Variants in COL24A1 observed in about 807,000 individuals in gnomAD.
COL24A1 encodes the protein collagen alpha-1(XXIV) chain.
COL24A1 carries 224 observed loss-of-function variants against 253.9 expected under a neutral mutation model. The ratio of observed to expected loss-of-function variants is 0.88; its 90% CI spans 0.79 to 0.99. The LOEUF is 0.99. Ranked by LOEUF, COL24A1 falls within the 50% of genes least tolerant of loss-of-function variation. The pLI is 0.00. For synonymous variants in COL24A1, 685 were observed against 673.7 expected (o/e 1.02, Z -0.26); for missense variants, 2,131 against 2,068.5 (o/e 1.03, Z -0.59).
At chr1:85,926,170 AAAC>A (rs1687187674) in intron 24 of COL24A1, among the ~76,000 whole-genome samples, 1 of 152,204 alleles carries the variant, frequency 6.6e-6, no homozygotes, top group Non-Finnish European at 1.5e-5. Flanking sequence ...AAAAGTCAGG[AAAC>A]AACAGATGCT....
chr1:85,896,184 G>T, intron 29 of COL24A1, 119 bp from the exon 30 acceptor site: 1 of 1,238,686 alleles, frequency 8.1e-7, no homozygotes, highest in Non-Finnish European at 1.1e-6. Flanking sequence ...GTTCATTATT[G>T]AAAAGAAAAC....
At chr1:85,799,211 A>AAAAGAAAG (rs139787428) in intron 47 of COL24A1, among the ~76,000 whole-genome samples, 2,727 of 137,612 alleles carry the variant, frequency 0.02, 54 homozygotes, top group Admixed American at 0.058. Flanking sequence ...TTGGCCACAT[A>AAAAGAAAG]AAAGAAAGAA....
intron 47 of COL24A1, among the ~76,000 whole-genome samples, chr1:85,791,475 C>T (rs927287806): frequency 2.0e-5 from 3 of 152,058 alleles, no homozygotes; most frequent in Non-Finnish European, 4.4e-5. Context: ...ATTTTCTGAA[C>T]TCAAACAGTT....
chr1:85,860,570 T>C (rs1327593681), intron 37 of COL24A1, among the ~76,000 whole-genome samples: 4 of 152,098 alleles, frequency 2.6e-5, no homozygotes, highest in Admixed American at 6.5e-5. Context: ...TGAAATCCCA[T>C]CTCTACTAAA....
At chr1:85,803,255 G>A (rs1047044303) in intron 47 of COL24A1, among the ~76,000 whole-genome samples, 16 of 151,968 alleles carry the variant, frequency 1.1e-4, no homozygotes, top group African/African-American at 3.9e-4. Context: ...TGACACCATT[G>A]TGAAACCCCA....
intron 14 of COL24A1, among the ~76,000 whole-genome samples, chr1:86,031,621 A>C (rs1698576672): frequency 6.6e-6 from 1 of 152,168 alleles, no homozygotes; most frequent in Non-Finnish European, 1.5e-5. Context: ...CCTTTAGCGC[A>C]CAGGTACAAA....
At chr1:85,901,824 C>CAAAAAAAAAAAAAAAA (rs55862441) in intron 28 of COL24A1, among the ~76,000 whole-genome samples, 4 of 57,792 alleles carry the variant, frequency 6.9e-5, no homozygotes, top group East Asian at 6.4e-4. Flanking sequence ...GACTCCGTCT[C>CAAAAAAAAAAAAAAAA]AAAAAAAAAA....
intron 7 of COL24A1, among the ~76,000 whole-genome samples, chr1:86,082,373 G>C (rs893310735): frequency 1.3e-5 from 2 of 151,900 alleles, no homozygotes; most frequent in African/African-American, 4.8e-5. Context: ...CTCAGCCTTT[G>C]CTTATGCATT....
chr1:86,116,496 T>C (rs1706152698), intron 3 of COL24A1, among the ~76,000 whole-genome samples: 1 of 152,172 alleles, frequency 6.6e-6, no homozygotes, highest in African/African-American at 2.4e-5. Flanking sequence ...TACAGTTTAA[T>C]CTGCAGCATG....
chr1:85,816,730 C>A lies in COL24A1; in HGVS notation c.3951+58G>T, dbSNP rs1673077137. Reference sequence around the variant, plus strand: ...AATAGATAGCCAAAATATCTATGGTCTAGCAAGGAGACACATGCATAGGAA... The same window carrying A: ...AATAGATAGCCAAAATATCTATGGTATAGCAAGGAGACACATGCATAGGAA... On this transcript the variant is annotated intron_variant, in intron 47 of 59. Transcript: ENST00000370571. 8 of 1,421,446 alleles carry A rather than the reference C, an allele frequency of 5.6e-6. 1 individual carries two copies. The highest frequency in any genetic ancestry group is 3.4e-5 in the South Asian group (3 of 87,152). 88.1% of individuals were successfully genotyped at this position (1,421,446 alleles called of 1,614,324 possible). A position where few individuals can be genotyped will look rare whatever the true frequency, so the allele number is the denominator to read the frequency against.
intron 24 of COL24A1, among the ~76,000 whole-genome samples, chr1:85,915,079 C>T (rs1685764102): frequency 6.6e-6 from 1 of 152,120 alleles, no homozygotes. Flanking sequence ...GTGAGATTAA[C>T]ATTTAAATAG....
intron 10 of COL24A1, among the ~76,000 whole-genome samples, chr1:86,057,322 G>A (rs897268614): frequency 6.6e-6 from 1 of 152,128 alleles, no homozygotes; most frequent in Non-Finnish European, 1.5e-5. Flanking sequence ...ATATCTGCAT[G>A]GACTGCACAA....
chr1:85,844,991 T>C (rs778402457), intron 39 of COL24A1, among the ~76,000 whole-genome samples: 1 of 151,700 alleles, frequency 6.6e-6, no homozygotes, highest in African/African-American at 2.4e-5. Flanking sequence ...CAATCAATGA[T>C]AGCATACATT....
At chr1:85,785,222 G>A (rs895348383) in intron 48 of COL24A1, among the ~76,000 whole-genome samples, 1 of 152,060 alleles carries the variant, frequency 6.6e-6, no homozygotes, top group African/African-American at 2.4e-5. Flanking sequence ...GATATGAACT[G>A]TCTTTATCCC....
intron 2 of COL24A1, among the ~76,000 whole-genome samples, chr1:86,128,576 T>A (rs548034450): frequency 2.6e-5 from 4 of 151,994 alleles, no homozygotes; most frequent in Non-Finnish European, 5.9e-5. Context: ...ACCCCTGCCA[T>A]CTAGTGCTTC....
At chr1:86,052,996 G>A (rs910644435) in intron 10 of COL24A1, among the ~76,000 whole-genome samples, 1 of 151,898 alleles carries the variant, frequency 6.6e-6, no homozygotes, top group Non-Finnish European at 1.5e-5. Context: ...GGGAGAGAGA[G>A]AATTTGTTCC....
chr1:85,784,707 G>A (rs1257571866), intron 48 of COL24A1, among the ~76,000 whole-genome samples: 1 of 151,694 alleles, frequency 6.6e-6, no homozygotes, highest in Non-Finnish European at 1.5e-5. Context: ...TATATGTGAT[G>A]GAACTTATAT....
intron 23 of COL24A1, 136 bp downstream of exon 23, chr1:85,964,873 T>C: frequency 1.5e-6 from 1 of 663,326 alleles, no homozygotes; most frequent in Non-Finnish European, 2.6e-6. Flanking sequence ...AGATTCTCAG[T>C]TGCTCTTTGT....
intron 24 of COL24A1, among the ~76,000 whole-genome samples, chr1:85,924,157 C>G (rs1686896443): frequency 6.6e-6 from 1 of 152,110 alleles, no homozygotes; most frequent in East Asian, 1.9e-4. Flanking sequence ...ATAACAAGTT[C>G]TGAAATTGAG....
Sources: gnomAD v4.1 joint callset for allele counts (sites outside exome capture counted in the v4.1 genomes callset) on GRCh38, gnomAD v4.1.1 for gene constraint, MANE v1.5 for transcripts, NCBI Gene and HGNC (gene_info 2026-07-23, HGNC 2026-07-21) for gene names.